The following GLI2 variants were observed in gnomAD, a reference collection of about 807,000 sequenced individuals.
GLI2 encodes the protein transcription activator GLI2.
In GLI2, 22 loss-of-function variants were observed where a neutral mutation model predicts 78.9. That is an observed-to-expected ratio of 0.28 (90% confidence interval 0.20 to 0.40). The LOEUF is 0.40. Ranked by LOEUF, GLI2 falls within the 10% of genes least tolerant of loss-of-function variation. The pLI is 1.00. For missense variants in GLI2, 2,097 were observed against 2,213.2 expected (o/e 0.95, Z 1.05); for synonymous variants, 974 against 963.7 (o/e 1.01, Z -0.20).
intron 1 of GLI2, among the ~76,000 whole-genome samples, chr2:120,765,217 G>T (rs1159299590): frequency 6.6e-6 from 1 of 152,144 alleles, no homozygotes; most frequent in Non-Finnish European, 1.5e-5. Flanking sequence ...GCCCTCAGGG[G>T]ACAAAACCCC....
At chr2:120,791,850 G>T (rs184882442) in intron 1 of GLI2, among the ~76,000 whole-genome samples, 1 of 152,142 alleles carries the variant, frequency 6.6e-6, no homozygotes, top group Admixed American at 6.5e-5. Flanking sequence ...TGTGGCCTGC[G>T]TGCAGGTGTA....
At chr2:120,906,580 G>A (rs903559877) in intron 2 of GLI2, among the ~76,000 whole-genome samples, 2 of 151,924 alleles carry the variant, frequency 1.3e-5, no homozygotes, top group Non-Finnish European at 2.9e-5. Context: ...CTTCAAGGTC[G>A]CAGCCACCAC....
intron 2 of GLI2, among the ~76,000 whole-genome samples, chr2:120,876,018 A>C (rs1018067528): frequency 6.6e-6 from 1 of 152,140 alleles, no homozygotes; most frequent in Non-Finnish European, 1.5e-5. Context: ...TGGAGGGGAA[A>C]AGTTAAAGCC....
chr2:120,988,663 C>A lies in GLI2; in HGVS notation c.2698C>A (p.Leu900Met), dbSNP rs1397696400. The A allele has an allele frequency of 3.6e-6, 5 of 1,387,428 alleles. No individual in the cohort carries two copies. The South Asian group carries it at 5.7e-5, about 16-fold the overall frequency. The allele number at this position is 1,387,428 out of a possible 1,614,324, so 85.9% of individuals were successfully genotyped here. Residue 900 changes from leucine (L) to methionine (M), a missense_variant, in exon 14 of 14, where the codon CTG becomes ATG. Transcript: ENST00000361492. ...GGAGCGCATGAGCCTGCGGACCAGG[C>A]TGGCGCTGCTGGACGCGCCCGAGCG... Reference protein sequence around the residue: ...GLERMSLRTRLALLDAPERTL... With the variant: ...GLERMSLRTRMALLDAPERTL...
rs185050853 is a variant in GLI2, at chr2:120,746,720, C to G, written c.-31+10435C>G. Among the ~76,000 whole-genome samples the G allele has an allele frequency of 1.4e-3, 220 of 152,246 alleles. 3 individuals carry two copies. Among genetic ancestry groups the G allele is most frequent in the Non-Finnish European group, 3.4e-4 (23 of 68,018 alleles). On this transcript the variant is annotated intron_variant, in intron 1 of 13. Transcript: ENST00000361492. The stretch of plus-strand genomic sequence containing the variant: ...TTATTTGCCCCCCAAGATCTTAAAA[C>G]TAAGACATGCCTTTTTACTGAAAAT...
At position 120,915,376 on chromosome 2, in the gene GLI2, C is replaced by G. The variant is rs574206536; in HGVS notation, c.149-11985C>G. Among the ~76,000 whole-genome samples, 5 of 152,304 alleles carry G rather than the reference C, an allele frequency of 3.3e-5. No individual in the cohort carries two copies. The East Asian group carries it at 7.7e-4, about 24-fold the overall frequency. ...CCTGTCTGATTTTAATTCCTCCCCCCACGTTTTTCCCCCAAGTGAGACAGA... is the reference window on the plus strand; with the variant it reads ...CCTGTCTGATTTTAATTCCTCCCCCGACGTTTTTCCCCCAAGTGAGACAGA... On this transcript the variant is annotated intron_variant, in intron 2 of 13. Transcript: ENST00000361492.
chr2:120,801,067 G>C (rs533512108), intron 2 of GLI2, among the ~76,000 whole-genome samples: 3 of 152,038 alleles, frequency 2.0e-5, no homozygotes, highest in African/African-American at 7.3e-5. Flanking sequence ...TCCATTCCAC[G>C]GCTAGAATTG....
chr2:120,768,699 C>CG (rs1683438326), intron 1 of GLI2, among the ~76,000 whole-genome samples: 2 of 152,166 alleles, frequency 1.3e-5, no homozygotes, highest in Admixed American at 1.3e-4. Context: ...CCCTGCCTTG[C>CG]CTGGCTGGAT....
intron 4 of GLI2, among the ~76,000 whole-genome samples, chr2:120,954,360 A>T (rs1681139032): frequency 6.6e-6 from 1 of 152,146 alleles, no homozygotes; most frequent in African/African-American, 2.4e-5. Context: ...GCTGTGGGCG[A>T]TCAGCCTGGC....
intron 1 of GLI2, among the ~76,000 whole-genome samples, chr2:120,760,984 G>A (rs1683196122): frequency 6.6e-6 from 1 of 152,236 alleles, no homozygotes; most frequent in East Asian, 1.9e-4. Context: ...AGGAAAAGCA[G>A]GGTGGGAAGG....
At chr2:120,913,242 G>A (rs1335723138) in intron 2 of GLI2, among the ~76,000 whole-genome samples, 3 of 152,040 alleles carry the variant, frequency 2.0e-5, no homozygotes, top group East Asian at 1.9e-4. Context: ...TAGGGTAGCC[G>A]CGAGCTGTGT....
At chr2:120,809,635 C>T (rs924702059) in intron 2 of GLI2, among the ~76,000 whole-genome samples, 19 of 152,262 alleles carry the variant, frequency 1.2e-4, no homozygotes, top group Admixed American at 5.2e-4. Flanking sequence ...GGGGCCTGGT[C>T]GTGCTGCTGC....
chr2:120,830,521 C>T (rs1225537437), intron 2 of GLI2, among the ~76,000 whole-genome samples: 2 of 152,360 alleles, frequency 1.3e-5, no homozygotes, highest in Non-Finnish European at 2.9e-5. Flanking sequence ...CCCACCAGGC[C>T]CCACGTCCAT....
intron 2 of GLI2, among the ~76,000 whole-genome samples, chr2:120,804,467 G>A (rs1192125116): frequency 6.6e-6 from 1 of 152,232 alleles, no homozygotes; most frequent in East Asian, 1.9e-4. Flanking sequence ...GTCAGTTGAG[G>A]CTGGCCGTGG....
intron 1 of GLI2, among the ~76,000 whole-genome samples, chr2:120,740,274 C>G (rs1365936414): frequency 1.3e-5 from 2 of 152,080 alleles, no homozygotes; most frequent in Non-Finnish European, 2.9e-5. Context: ...CACAGTAATT[C>G]TCAATAATCC....
At chr2:120,839,137 C>T (rs1007682489) in intron 2 of GLI2, among the ~76,000 whole-genome samples, 7 of 152,192 alleles carry the variant, frequency 4.6e-5, no homozygotes, top group Non-Finnish European at 1.0e-4. Flanking sequence ...CTAAGGAATG[C>T]TTCCCTTTCC....
intron 9 of GLI2, 35 bp downstream of exon 9, chr2:120,975,144 G>A (rs1052589331): frequency 4.3e-6 from 7 of 1,609,988 alleles, no homozygotes; most frequent in Non-Finnish European, 5.1e-6. Flanking sequence ...CGCCAACCGG[G>A]GCACGGCCCA....
intron 1 of GLI2, among the ~76,000 whole-genome samples, chr2:120,783,950 C>A (rs916403988): frequency 1.3e-5 from 2 of 152,158 alleles, no homozygotes; most frequent in African/African-American, 4.8e-5. Context: ...ATCTGACTGG[C>A]ACCTTCCAAG....
intron 3 of GLI2, among the ~76,000 whole-genome samples, chr2:120,950,068 C>T (rs6719118): frequency 0.1 from 15,411 of 152,220 alleles, 2,500 homozygotes; most frequent in African/African-American, 0.35. Flanking sequence ...CAGCAGTTCT[C>T]CTTTCATGAC....
Sources: allele counts gnomAD v4.1 joint callset (sites outside exome capture counted in the v4.1 genomes callset), GRCh38; gene constraint gnomAD v4.1.1; transcripts MANE v1.5; gene names NCBI Gene and HGNC (gene_info 2026-07-23, HGNC 2026-07-21).